CCNY: variants seen among roughly 807,000 people sequenced by gnomAD.
The protein encoded by CCNY is cyclin-Y.
CCNY carries 19 observed loss-of-function variants against 42.8 expected under a neutral mutation model. The ratio of observed to expected loss-of-function variants is 0.44; its 90% confidence interval spans 0.31 to 0.65. CCNY has a LOEUF of 0.65. Ranked by LOEUF, CCNY falls within the 30% of genes least tolerant of loss-of-function variation. The pLI is 0.07. For missense variants in CCNY, 370 were observed against 437.3 expected (o/e 0.85, Z 1.37); for synonymous variants, 165 against 162.7 (o/e 1.01, Z -0.11).
chr10:35,316,087 T>C (rs780408959), intron 3 of CCNY, among the ~76,000 whole-genome samples: 1 of 152,202 alleles, frequency 6.6e-6, no homozygotes, highest in Non-Finnish European at 1.5e-5. Flanking sequence ...AAAATCTTCT[T>C]TTACAATGTG....
intron 3 of CCNY, among the ~76,000 whole-genome samples, chr10:35,508,323 A>C (rs1447576127): frequency 6.6e-6 from 1 of 152,190 alleles, no homozygotes; most frequent in African/African-American, 2.4e-5. Flanking sequence ...GCTTGTGCTT[A>C]AATATTTCGA....
At chr10:35,306,706 CCTT>C (rs1320006870) in intron 3 of CCNY, among the ~76,000 whole-genome samples, 3 of 152,102 alleles carry the variant, frequency 2.0e-5, no homozygotes, top group African/African-American at 7.2e-5. Context: ...CCTCTCCCCT[CCTT>C]CTCCTTTTCT....
intron 1 of CCNY, among the ~76,000 whole-genome samples, chr10:35,460,528 C>T (rs1005953916): frequency 7.9e-5 from 12 of 152,160 alleles, no homozygotes; most frequent in Non-Finnish European, 1.3e-4. Context: ...GGTGAAATGC[C>T]TGGATACAGT....
At chr10:35,420,155 A>G (rs1046001150) in intron 1 of CCNY, among the ~76,000 whole-genome samples, 2 of 152,220 alleles carry the variant, frequency 1.3e-5, no homozygotes, top group Admixed American at 6.5e-5. Context: ...AAGTTCAAGA[A>G]GTTTTCATTA....
Position 35,423,972 on chromosome 10 carries a change from G to A in CCNY, c.155-59432G>A, listed in dbSNP as rs969639846. On this transcript the variant is annotated intron_variant, in intron 1 of 9. Coordinates refer to ENST00000374704, the MANE Select transcript of CCNY (RefSeq NM_145012.6). The stretch of plus-strand genomic sequence containing the variant: ...GAAACTGAGGCTGGGGTTGGGAGAG[G>A]TAATTCCCATACCAGTAACAAGGTG... 2.6e-5 allele frequency among the ~76,000 whole-genome samples: 4 copies of A among 152,258 alleles called. No individual in the cohort carries two copies. The East Asian group carries it at 7.7e-4, about 29-fold the overall frequency.
At chr10:35,527,183 A>G (rs1352294271) in intron 5 of CCNY, among the ~76,000 whole-genome samples, 1 of 152,238 alleles carries the variant, frequency 6.6e-6, no homozygotes, top group African/African-American at 2.4e-5. Context: ...TTAAGAACTT[A>G]CAAAACAGTG....
intron 2 of CCNY, among the ~76,000 whole-genome samples, chr10:35,485,008 T>A (rs568822776): frequency 6.6e-6 from 1 of 152,374 alleles, no homozygotes; most frequent in East Asian, 1.9e-4. Flanking sequence ...TTCCCTTTCC[T>A]CTTCTGGAAC....
chr10:35,540,564 C>CTTTTTTTTTTTTTTTTTTT lies in CCNY; in HGVS notation c.579+10333_579+10334insTTTTTTTTTTTTTTTTTTT, dbSNP rs561129843. Among the ~76,000 whole-genome samples the CTTTTTTTTTTTTTTTTTTT allele has an allele frequency of 8.4e-4, 122 of 144,776 alleles. 1 individual carries two copies. Among genetic ancestry groups the CTTTTTTTTTTTTTTTTTTT allele is most frequent in the African/African-American group, 2.9e-3 (115 of 39,466 alleles). 95.0% of individuals were successfully genotyped at this position (144,776 alleles called of 152,430 possible). A position where few individuals can be genotyped will look rare whatever the true frequency, so the allele number is the denominator to read the frequency against. On this transcript the variant is annotated intron_variant, in intron 7 of 9. Coordinates refer to ENST00000374704, the MANE Select transcript of CCNY (RefSeq NM_145012.6). ...AACAAATTGAGAAATATTCCTTCTA[C>CTTTTTTTTTTTTTTTTTTT]TTTTTTTTTTTTGAAGAGTTTGTGG...
chr10:35,484,542 G>C (rs770137601), intron 2 of CCNY, among the ~76,000 whole-genome samples: 1 of 151,952 alleles, frequency 6.6e-6, no homozygotes, highest in Non-Finnish European at 1.5e-5. Context: ...GCCATTAAAA[G>C]TAATGGCAAA....
chr10:35,341,436 C>T (rs553262498), intron 1 of CCNY, among the ~76,000 whole-genome samples: 1 of 152,360 alleles, frequency 6.6e-6, no homozygotes, highest in South Asian at 2.1e-4. Context: ...TATTCCTTAA[C>T]ACTTTATGAT....
intron 1 of CCNY, among the ~76,000 whole-genome samples, chr10:35,451,656 A>T (rs552338999): frequency 1.3e-5 from 2 of 152,316 alleles, no homozygotes; most frequent in Non-Finnish European, 2.9e-5. Context: ...GCGGGTTGAG[A>T]ATGGACACCC....
At chr10:35,360,706 T>C (rs1364797209) in intron 1 of CCNY, among the ~76,000 whole-genome samples, 1 of 152,198 alleles carries the variant, frequency 6.6e-6, no homozygotes, top group Non-Finnish European at 1.5e-5. Flanking sequence ...TTTAAAATTT[T>C]ACATTAGTAT....
chr10:35,496,755 T>C (rs1321231030), intron 2 of CCNY, among the ~76,000 whole-genome samples: 1 of 152,208 alleles, frequency 6.6e-6, no homozygotes, highest in East Asian at 1.9e-4. Flanking sequence ...TGAAATGGTG[T>C]TTAGATTGTT....
intron 4 of CCNY, among the ~76,000 whole-genome samples, chr10:35,519,776 CTTTTTT>C (rs1177122335): frequency 1.3e-3 from 99 of 74,654 alleles, no homozygotes; most frequent in Middle Eastern, 0.015. Flanking sequence ...CTTTTCTTTT[CTTTTTT>C]TTTTTTTTTT....
chr10:35,381,388 C>T (rs145623433), intron 1 of CCNY, among the ~76,000 whole-genome samples: 3,485 of 151,882 alleles, frequency 0.023, 112 homozygotes, highest in African/African-American at 0.07. Context: ...GGTGAAACCC[C>T]GTCTCTACTA....
At chr10:35,517,852 T>C (rs866551557) in intron 4 of CCNY, among the ~76,000 whole-genome samples, 4 of 152,344 alleles carry the variant, frequency 2.6e-5, no homozygotes, top group Middle Eastern at 3.4e-3. Context: ...TGTGGTTTAC[T>C]GAGGGGAAAT....
chr10:35,369,994 A>G (rs1030744939), intron 1 of CCNY, among the ~76,000 whole-genome samples: 8 of 152,170 alleles, frequency 5.3e-5, no homozygotes, highest in African/African-American at 1.4e-4. Flanking sequence ...GAGGACATGC[A>G]TTTTTTAGTA....
intron 3 of CCNY, among the ~76,000 whole-genome samples, chr10:35,299,424 G>A (rs1170085366): frequency 2.0e-5 from 3 of 152,042 alleles, no homozygotes; most frequent in African/African-American, 4.8e-5. Flanking sequence ...GTCAGTTTTC[G>A]CTTCAAGTCT....
At chr10:35,284,201 C>T (rs772909621) in intron 3 of CCNY, among the ~76,000 whole-genome samples, 7 of 152,146 alleles carry the variant, frequency 4.6e-5, no homozygotes, top group African/African-American at 7.2e-5. Context: ...TGTCTTCCTG[C>T]GCCTTACATG....
Sources: gnomAD v4.1 joint callset for allele counts (sites outside exome capture counted in the v4.1 genomes callset) on GRCh38, gnomAD v4.1.1 for gene constraint, MANE v1.5 for transcripts, NCBI Gene and HGNC (gene_info 2026-07-23, HGNC 2026-07-21) for gene names.